TRDN: variants seen among roughly 807,000 people sequenced by gnomAD.
TRDN encodes triadin in skeletal muscle.
A neutral mutation model predicts 149.7 loss-of-function variants in TRDN; 161 were observed. The observed-to-expected ratio is 1.08, with a 90% CI of 0.95 to 1.23. The LOEUF (loss-of-function observed/expected upper bound fraction) is 1.23. TRDN is among the 50% of genes most tolerant of loss of function. The pLI, the probability that TRDN is intolerant of heterozygous loss-of-function variation, is 0.00. For missense variants in TRDN, 896 were observed against 823.5 expected, an observed-to-expected ratio of 1.09 and a Z score of -1.08; for synonymous variants, 294 against 250.5, an observed-to-expected ratio of 1.17 and a Z score of -1.64.
chr6:123,447,302 C>G (rs1160272707), intron 10 of TRDN, among the ~76,000 whole-genome samples: 1 of 152,164 alleles, frequency 6.6e-6, no homozygotes, highest in Non-Finnish European at 1.5e-5. Flanking sequence ...TGCCAAAACC[C>G]TTTGCCTGTG....
At chr6:123,299,842 G>A (rs1003828408) in intron 24 of TRDN, among the ~76,000 whole-genome samples, 2 of 151,938 alleles carry the variant, frequency 1.3e-5, no homozygotes, top group African/African-American at 4.8e-5. Flanking sequence ...AGGAGATTGA[G>A]AATAGGTTCA....
chr6:123,290,455 A>G (rs1024469613), intron 24 of TRDN, among the ~76,000 whole-genome samples: 1 of 152,200 alleles, frequency 6.6e-6, no homozygotes, highest in South Asian at 2.1e-4. Flanking sequence ...TATGTCTTCT[A>G]AAATTTAACA....
intron 4 of TRDN, among the ~76,000 whole-genome samples, chr6:123,541,579 A>G (rs145891118): frequency 1.2e-4 from 18 of 152,122 alleles, no homozygotes; most frequent in African/African-American, 4.3e-4. Flanking sequence ...CTTGGGAAAG[A>G]CAGGTAGAAG....
At chr6:123,633,252 G>A (rs61640358) in intron 1 of TRDN, among the ~76,000 whole-genome samples, 8,594 of 152,138 alleles carry the variant, frequency 0.056, 300 homozygotes, top group African/African-American at 0.093. Flanking sequence ...CCCTAAACCT[G>A]TGTGCTGTTT....
intron 2 of TRDN, among the ~76,000 whole-genome samples, chr6:123,559,488 G>A (rs369864501): frequency 0.014 from 1,939 of 140,690 alleles, no homozygotes; most frequent in African/African-American, 0.02. Flanking sequence ...CCTCCTTTGC[G>A]TGCTCCTCTT....
At chr6:123,635,240 G>T (rs1786245702) in intron 1 of TRDN, among the ~76,000 whole-genome samples, 1 of 151,454 alleles carries the variant, frequency 6.6e-6, no homozygotes, top group Non-Finnish European at 1.5e-5. Flanking sequence ...TAAGGAATAG[G>T]AAAAATGCTA....
intron 21 of TRDN, chr6:123,351,556 T>C: frequency 1.0e-6 from 1 of 981,488 alleles, no homozygotes; most frequent in African/African-American, 1.7e-5. Context: ...AGGGATTTTA[T>C]TTTGAAAAGC....
At chr6:123,312,014 A>G (rs1185806239) in intron 24 of TRDN, among the ~76,000 whole-genome samples, 1 of 152,010 alleles carries the variant, frequency 6.6e-6, no homozygotes, top group African/African-American at 2.4e-5. Context: ...AGTACTTCTG[A>G]ATGAGTACCA....
At chr6:123,493,001 A>G (rs1421255574) in intron 9 of TRDN, among the ~76,000 whole-genome samples, 2 of 152,128 alleles carry the variant, frequency 1.3e-5, no homozygotes, top group African/African-American at 4.8e-5. Context: ...CACATCCTGT[A>G]TAACGCTGAC....
At chr6:123,586,346 G>C (rs1391988845) in intron 1 of TRDN, among the ~76,000 whole-genome samples, 1 of 152,198 alleles carries the variant, frequency 6.6e-6, no homozygotes, top group Non-Finnish European at 1.5e-5. Context: ...CTGGCGAGGA[G>C]GGGAGAGGTC....
At chr6:123,360,720 G>GGAGAGAGA (rs71541228) in intron 20 of TRDN, among the ~76,000 whole-genome samples, 125 of 143,088 alleles carry the variant, frequency 8.7e-4, no homozygotes, top group African/African-American at 3.4e-3. Flanking sequence ...AGAGAGAGAC[G>GGAGAGAGA]GAGAGAGAGA....
intron 13 of TRDN, 141 bp downstream of exon 13, chr6:123,393,483 T>A: frequency 1.3e-6 from 1 of 742,866 alleles, no homozygotes; most frequent in Non-Finnish European, 2.1e-6. Flanking sequence ...ACTTGAACTG[T>A]GTATTTTCAT....
intron 40 of TRDN, among the ~76,000 whole-genome samples, chr6:123,221,250 G>T (rs188258559): frequency 6.6e-6 from 1 of 151,750 alleles, no homozygotes; most frequent in Non-Finnish European, 1.5e-5. Flanking sequence ...AAGGATTTGC[G>T]ATAAATGCCA....
Position 123,469,167 on chromosome 6 carries a change from T to G in TRDN, c.854-4184A>C, listed in dbSNP as rs144368868. 5.3e-4 allele frequency among the ~76,000 whole-genome samples: 80 copies of G among 152,348 alleles called. No homozygotes were observed. In the East Asian group the frequency reaches 0.015, roughly 28 times the overall value. ...TGGTATAAGTTTCCTAGACTACTTT[T>G]GTAAGATGTGGAATATTTTGAAAGT... On this transcript the variant is annotated intron_variant, in intron 9 of 40. Coordinates refer to ENST00000334268, the MANE Select transcript of TRDN (RefSeq NM_006073.4).
chr6:123,430,285 T>C (rs771111649), intron 12 of TRDN, among the ~76,000 whole-genome samples: 1 of 150,424 alleles, frequency 6.6e-6, no homozygotes, highest in Non-Finnish European at 1.5e-5. Flanking sequence ...ATAATAATAA[T>C]AATAACAATA....
Position 123,224,092 on chromosome 6 carries a change from C to A in TRDN, c.2014+1G>T. The A allele has an allele frequency of 2.5e-6, 4 of 1,609,804 alleles. No homozygotes were observed. Among genetic ancestry groups the A allele is most frequent in the Non-Finnish European group, 3.4e-6 (4 of 1,177,704 alleles). Reference sequence around the variant, plus strand: ...AAATGATCCAAAGACAGCAAACTCACCTTTAGCTTTCTTTGAAGCTGGTAC... The same window carrying A: ...AAATGATCCAAAGACAGCAAACTCAACTTTAGCTTTCTTTGAAGCTGGTAC... On this transcript the variant is annotated splice_donor_variant, in intron 39 of 40. Transcript: ENST00000334268. LOFTEE classifies it high-confidence loss of function.
chr6:123,460,114 A>G (rs529811875), intron 10 of TRDN, among the ~76,000 whole-genome samples: 1 of 152,332 alleles, frequency 6.6e-6, no homozygotes, highest in African/African-American at 2.4e-5. Context: ...AGTTAATCAT[A>G]CTACTCTCTG....
intron 20 of TRDN, among the ~76,000 whole-genome samples, chr6:123,356,884 T>C (rs1049168511): frequency 6.6e-6 from 1 of 151,492 alleles, no homozygotes; most frequent in African/African-American, 2.4e-5. Flanking sequence ...TCTTAATATA[T>C]TTTCATAAGC....
At chr6:123,246,352 G>C (rs1582770384) in intron 38 of TRDN, among the ~76,000 whole-genome samples, 1 of 151,774 alleles carries the variant, frequency 6.6e-6, no homozygotes, top group East Asian at 1.9e-4. Context: ...TAATACAGAA[G>C]AAAAGAAAGA....
Sources: allele counts gnomAD v4.1 joint callset (sites outside exome capture counted in the v4.1 genomes callset), GRCh38; gene constraint gnomAD v4.1.1; transcripts MANE v1.5; gene names NCBI Gene and HGNC (gene_info 2026-07-23, HGNC 2026-07-21).